GOT2: variants seen among roughly 807,000 people sequenced by gnomAD.
GOT2 encodes the protein aspartate aminotransferase, mitochondrial.
GOT2 carries 17 observed loss-of-function variants against 50.0 expected under a neutral mutation model. That is an observed-to-expected ratio of 0.34 (90% CI 0.23 to 0.51). The LOEUF (loss-of-function observed/expected upper bound fraction) is 0.51. Ranked by LOEUF, GOT2 falls within the 20% of genes least tolerant of loss-of-function variation. The pLI is 0.97. For synonymous variants in GOT2, 172 were observed against 204.9 expected, an observed-to-expected ratio of 0.84 and a Z score of 1.37; for missense variants, 430 against 559.6, an observed-to-expected ratio of 0.77 and a Z score of 2.34.
At chr16:58,722,940 G>C (rs1166958189) in intron 2 of GOT2, among the ~76,000 whole-genome samples, 2 of 152,176 alleles carry the variant, frequency 1.3e-5, no homozygotes, top group African/African-American at 2.4e-5. Context: ...AGCATGTCAA[G>C]CTATATGCCA....
Position 58,718,667 on chromosome 16 carries a change from G to A in GOT2, c.457C>T (p.Arg153Ter), listed in dbSNP as rs778022628. ...SFLQRFFKFS[R>*]DVFLPKPTWG... ...GTTGGTTTGGGCAGAAAGACATCTC[G>A]GCTGAACTTAAAAAATCTTTGCTAA... The change falls in exon 5 of 10, where the codon CGA (arginine) becomes TGA (stop). Residue 153 changes from arginine to a stop codon, truncating the protein, a stop_gained. Transcript: ENST00000245206. LOFTEE classifies it high-confidence loss of function. The A allele has an allele frequency of 3.2e-6, 5 of 1,570,482 alleles. No individual in the cohort carries two copies. The highest frequency in any genetic ancestry group is 4.3e-6 in the Non-Finnish European group (5 of 1,161,788).
chr16:58,710,399 T>C (rs74457729), intron 8 of GOT2, among the ~76,000 whole-genome samples: 3 of 150,118 alleles, frequency 2.0e-5, no homozygotes, highest in Non-Finnish European at 3.0e-5. Context: ...TTCTTTTCTT[T>C]TTTTTTTTTT....
chr16:58,716,246 G>T, intron 7 of GOT2, 67 bp from the exon 8 acceptor site: 1 of 1,408,458 alleles, frequency 7.1e-7, no homozygotes, highest in Non-Finnish European at 9.9e-7. Flanking sequence ...AATCATGAGT[G>T]TATTTGCTAC....
chr16:58,718,750 G>A, intron 4 of GOT2, 62 bp from the exon 5 acceptor site: 1 of 1,339,220 alleles, frequency 7.5e-7, no homozygotes, highest in South Asian at 1.4e-5. Context: ...AAATGTTGAT[G>A]TGTTTTATTG....
At chr16:58,716,525 C>T in intron 7 of GOT2, 138 bp downstream of exon 7, 2 of 720,816 alleles carry the variant, frequency 2.8e-6, no homozygotes, top group Non-Finnish European at 4.5e-6. Context: ...ACTGGTCTTT[C>T]ATCTTAGGGT....
intron 1 of GOT2, among the ~76,000 whole-genome samples, chr16:58,728,677 C>G (rs916562584): frequency 2.0e-5 from 3 of 152,040 alleles, no homozygotes; most frequent in Non-Finnish European, 4.4e-5. Context: ...TCCAACCAAC[C>G]TTTTCTGCTT....
rs187801164 is a variant in GOT2 at position 58,727,086 on chromosome 16, G to A, written c.90-3184C>T. Among the ~76,000 whole-genome samples the A allele has an allele frequency of 6.4e-4, 97 of 152,202 alleles. 1 individual carries two copies. In the East Asian group the frequency reaches 0.018, roughly 28 times the overall value. On this transcript the variant is annotated intron_variant, in intron 1 of 9. Transcript: ENST00000245206. ...TGAGAATCGCTTGAACCCAGGAGGC[G>A]GAGGTTGCAGTGAGCCGAGAATGCA...
At chr16:58,714,185 T>C (rs958457192) in intron 8 of GOT2, among the ~76,000 whole-genome samples, 34 of 152,176 alleles carry the variant, frequency 2.2e-4, no homozygotes, top group African/African-American at 8.2e-4. Context: ...GCTGGGATTA[T>C]AGGTGTGAGC....
At chr16:58,734,028 T>C (rs2044857334) in intron 1 of GOT2, 112 bp downstream of exon 1, 1 of 476,686 alleles carries the variant, frequency 2.1e-6, no homozygotes, top group Non-Finnish European at 3.4e-6. Context: ...TGTGTGTGCG[T>C]GTGAGTGACA....
chr16:58,714,529 G>A (rs1177990624), intron 8 of GOT2, among the ~76,000 whole-genome samples: 1 of 150,344 alleles, frequency 6.7e-6, no homozygotes, highest in Non-Finnish European at 1.5e-5. Context: ...TCCAGCCTGG[G>A]CGACAGAGCG....
In GOT2 at chr16:58,723,781, TATC is replaced by T. The variant is rs1442695161; in HGVS notation, c.208_210del (p.Asp70del). ...CTAGGCAGAACGTAAGGCTTTCCAT[TATC>T]ATCCCGGTAGGCACCAACTCCCAGA... is the stretch of plus-strand genomic sequence containing the variant. On this transcript the variant is annotated inframe_deletion, in exon 2 of 10. Coordinates refer to ENST00000245206, the MANE Select transcript of GOT2 (RefSeq NM_002080.4). 1 of 1,612,942 alleles carries T rather than the reference TATC, an allele frequency of 6.2e-7. No homozygotes were observed. The highest frequency in any genetic ancestry group is 8.5e-7 in the Non-Finnish European group (1 of 1,179,104).
chr16:58,710,412 T>C (rs1182381237), intron 8 of GOT2, among the ~76,000 whole-genome samples: 2 of 150,570 alleles, frequency 1.3e-5, no homozygotes, highest in East Asian at 3.9e-4. Flanking sequence ...TTTTTTTTTT[T>C]GTAGAGACAG....
rs137905758 is a variant in GOT2, at chr16:58,722,260, C to T, written c.265G>A (p.Ala89Thr). 1.3e-5 allele frequency: 21 copies of T among 1,613,270 alleles called. No homozygotes were observed. Among genetic ancestry groups the T allele is most frequent in the East Asian group, 4.5e-5 (2 of 44,878 alleles). Residue 89 changes from alanine (A) to threonine (T), a missense_variant, in exon 3 of 10, where the codon GCA becomes ACA. Coordinates refer to ENST00000245206, the MANE Select transcript of GOT2 (RefSeq NM_002080.4). ...SVRKAEAQIA[A>T]KNLDKEYLPI... ...AGGTATTCCTTGTCCAAATTTTTTG[C>T]GGCAATCTGGGCCTCTGCCTAGACA...
chr16:58,727,014 C>G (rs140082866), intron 1 of GOT2, among the ~76,000 whole-genome samples: 192 of 152,104 alleles, frequency 1.3e-3, no homozygotes, highest in Admixed American at 2.2e-3. Flanking sequence ...ATTATCTAGG[C>G]AAGGTGGCGT....
chr16:58,728,291 CTG>C (rs1399432440), intron 1 of GOT2, among the ~76,000 whole-genome samples: 1 of 152,186 alleles, frequency 6.6e-6, no homozygotes, highest in East Asian at 1.9e-4. Flanking sequence ...CACCTGCCAG[CTG>C]TGTGAGCACT....
chr16:58,733,231 C>T (rs1268932906), intron 1 of GOT2, among the ~76,000 whole-genome samples: 1 of 152,160 alleles, frequency 6.6e-6, no homozygotes. Context: ...TCGTTTCAAG[C>T]TCTGAAATTT....
intron 3 of GOT2, among the ~76,000 whole-genome samples, chr16:58,720,631 T>C (rs1159764035): frequency 6.6e-6 from 1 of 150,864 alleles, no homozygotes; most frequent in Admixed American, 6.7e-5. Flanking sequence ...CAGGCTAGAA[T>C]GCAATGGCAT....
rs371681891 is a variant in GOT2, at chr16:58,716,277, A to T, written c.854-98T>A. The T allele has an allele frequency of 8.6e-6, 10 of 1,169,164 alleles. 1 individual carries two copies. The African/African-American group carries it at 9.3e-5, about 11-fold the overall frequency. 72.4% of individuals were successfully genotyped at this position (1,169,164 alleles called of 1,614,324 possible). ...GCTACGTATTATCTGTTTCCATCCAAAGGACCCCAAAATAACTTTATTATA... is the reference window on the plus strand; with the variant it reads ...GCTACGTATTATCTGTTTCCATCCATAGGACCCCAAAATAACTTTATTATA... On this transcript the variant is annotated intron_variant, in intron 7 of 9. Coordinates refer to ENST00000245206, the MANE Select transcript of GOT2 (RefSeq NM_002080.4).
At chr16:58,708,360 A>G (rs1228825093) in intron 9 of GOT2, 67 bp from the exon 10 acceptor site, 5 of 1,469,312 alleles carry the variant, frequency 3.4e-6, no homozygotes, top group Non-Finnish European at 4.7e-6. Context: ...CTGACATGGC[A>G]CAGTAGCCAA....
Sources: gnomAD v4.1 joint callset for allele counts (sites outside exome capture counted in the v4.1 genomes callset) on GRCh38, gnomAD v4.1.1 for gene constraint, MANE v1.5 for transcripts, NCBI Gene and HGNC (gene_info 2026-07-23, HGNC 2026-07-21) for gene names.